The following ME2 variants were observed in gnomAD, a reference collection of about 807,000 sequenced individuals.
The protein encoded by ME2 is malic enzyme 2, also known as NAD-dependent malic enzyme, mitochondrial.
In ME2, 60 loss-of-function variants were observed where a neutral mutation model predicts 73.7. That is an observed-to-expected ratio of 0.81 (90% CI 0.66 to 1.01). The LOEUF is 1.01. ME2 is among the 50% of genes least tolerant of loss of function. The pLI, the probability that ME2 is intolerant of heterozygous loss-of-function variation, is 0.00. For missense variants in ME2, 594 were observed against 705.5 expected (o/e 0.84, Z 1.79); for synonymous variants, 199 against 236.9 (o/e 0.84, Z 1.47).
intron 13 of ME2, 189 bp from the exon 14 acceptor site, chr18:50,939,381 T>G (rs1917891883): frequency 4.1e-6 from 2 of 488,900 alleles, no homozygotes; most frequent in Non-Finnish European, 7.3e-6. Flanking sequence ...CTGAAATTAC[T>G]TAGCGAATAA....
intron 15 of ME2, chr18:50,945,408 C>T (rs1654168732): frequency 6.6e-6 from 1 of 152,204 alleles, no homozygotes; most frequent in South Asian, 2.1e-4. Context: ...GTGTGAGCCA[C>T]CACGCCCAGC....
chr18:50,942,497 AT>A (rs1212972573), intron 15 of ME2, among the ~76,000 whole-genome samples: 2 of 152,112 alleles, frequency 1.3e-5, no homozygotes, highest in Admixed American at 1.3e-4. Context: ...TTTGTATGAA[AT>A]TGTTGCATTT....
intron 10 of ME2, 87 bp downstream of exon 10, chr18:50,921,274 C>T (rs758645274): frequency 1.6e-6 from 1 of 639,256 alleles, no homozygotes; most frequent in Non-Finnish European, 2.5e-6. Flanking sequence ...AATCTTGTTT[C>T]TCATTGGAGT....
chr18:50,928,569 A>C (rs1164763834), intron 12 of ME2, among the ~76,000 whole-genome samples: 1 of 152,144 alleles, frequency 6.6e-6, no homozygotes, highest in South Asian at 2.1e-4. Flanking sequence ...AGTGATGGAT[A>C]GTGTAGAAAA....
Position 50,920,757 on chromosome 18 carries a change from A to T in ME2, c.941A>T (p.Glu314Val), listed in dbSNP as rs1917407167. ...EHKILFLGAG[E>V]AALGIANLIV... ...AAAATCTTATTCCTTGGAGCAGGAG[A>T]GGTAAGTTTTGAAGGCTTTTTGAAA... Residue 314 changes from glutamate (E) to valine (V), a missense_variant and splice_region_variant, in exon 9 of 16, where the codon GAG becomes GTG. Glu to Val is a moderately radical substitution (Grantham distance 121). Coordinates refer to ENST00000321341, the MANE Select transcript of ME2 (RefSeq NM_002396.5). 2.5e-6 allele frequency: 4 copies of T among 1,600,470 alleles called. No homozygotes were observed. The highest frequency in any genetic ancestry group is 3.4e-6 in the Non-Finnish European group (4 of 1,176,448).
At chr18:50,934,105 G>A (rs1179715278) in intron 13 of ME2, 5 of 152,054 alleles carry the variant, frequency 3.3e-5, no homozygotes, top group Admixed American at 3.3e-4. Context: ...TTAATTCTAT[G>A]TCTTTACTAT....
At chr18:50,927,870 A>G (rs1281994003) in intron 12 of ME2, among the ~76,000 whole-genome samples, 1 of 128,770 alleles carries the variant, frequency 7.8e-6, no homozygotes, top group African/African-American at 3.0e-5. Context: ...GCTGGAGTGT[A>G]GTGGCACAGT....
intron 12 of ME2, among the ~76,000 whole-genome samples, chr18:50,927,433 G>T (rs1917578514): frequency 6.6e-6 from 1 of 151,982 alleles, no homozygotes; most frequent in African/African-American, 2.4e-5. Flanking sequence ...GGGCACGGTG[G>T]CTCACGCCTG....
intron 1 of ME2, among the ~76,000 whole-genome samples, chr18:50,881,600 C>T (rs1916326677): frequency 6.6e-6 from 1 of 152,082 alleles, no homozygotes; most frequent in African/African-American, 2.4e-5. Context: ...TTTGATGTTG[C>T]CTGTATTTGT....
At chr18:50,909,050 C>G (rs1192542998) in intron 3 of ME2, among the ~76,000 whole-genome samples, 1 of 151,298 alleles carries the variant, frequency 6.6e-6, no homozygotes, top group Admixed American at 6.6e-5. Context: ...GCCTCCCGGG[C>G]TCAAGCAGTT....
At chr18:50,939,922 T>G (rs969266418) in intron 14 of ME2, 13 of 424,430 alleles carry the variant, frequency 3.1e-5, no homozygotes, top group African/African-American at 2.6e-4. Context: ...TCCTTGCATG[T>G]TTTTAATGGA....
At chr18:50,881,451 C>T (rs1916323042) in intron 1 of ME2, among the ~76,000 whole-genome samples, 1 of 152,062 alleles carries the variant, frequency 6.6e-6, no homozygotes, top group Non-Finnish European at 1.5e-5. Context: ...AAAAAGATAA[C>T]TTTTATTAGA....
intron 13 of ME2, among the ~76,000 whole-genome samples, chr18:50,937,143 T>G (rs1917836997): frequency 6.6e-6 from 1 of 151,296 alleles, no homozygotes; most frequent in Non-Finnish European, 1.5e-5. Context: ...GTTTGGGGGC[T>G]AAATCTGCCC....
intron 15 of ME2, among the ~76,000 whole-genome samples, chr18:50,943,064 T>C (rs945968936): frequency 6.6e-6 from 1 of 152,106 alleles, no homozygotes; most frequent in Non-Finnish European, 1.5e-5. Flanking sequence ...CCCGAGTAGC[T>C]AGAGGCACAT....
chr18:50,942,553 T>C (rs1917989102), intron 15 of ME2: 1 of 217,244 alleles, frequency 4.6e-6, no homozygotes, highest in Non-Finnish European at 8.9e-6. Flanking sequence ...TATTCTCCAA[T>C]CACTATCTCT....
intron 15 of ME2, among the ~76,000 whole-genome samples, chr18:50,942,385 T>C (rs1024361450): frequency 6.6e-6 from 1 of 152,184 alleles, no homozygotes; most frequent in African/African-American, 2.4e-5. Flanking sequence ...ACTTTATCTT[T>C]CCCATCATTA....
At chr18:50,939,385 C>G in intron 13 of ME2, 185 bp from the exon 14 acceptor site, 1 of 484,514 alleles carries the variant, frequency 2.1e-6, no homozygotes, top group Admixed American at 3.7e-5. Context: ...AATTACTTAG[C>G]GAATAAGAAT....
chr18:50,885,001 C>T (rs1409578322), intron 1 of ME2, among the ~76,000 whole-genome samples: 1 of 152,136 alleles, frequency 6.6e-6, no homozygotes, highest in African/African-American at 2.4e-5. Flanking sequence ...ATTGCAGGCG[C>T]CGGTCACCAC....
In ME2 at chr18:50,918,986, T is replaced by C. The variant is rs570575123; in HGVS notation, c.734+773T>C. 7.9e-5 allele frequency among the ~76,000 whole-genome samples: 12 copies of C among 152,366 alleles called. No individual in the cohort carries two copies. The South Asian group carries it at 2.3e-3, about 29-fold the overall frequency. On this transcript the variant is annotated intron_variant, in intron 7 of 15. Coordinates refer to ENST00000321341, the MANE Select transcript of ME2 (RefSeq NM_002396.5). ...TCTTCTGTATTCCCAGCTTCTATTA[T>C]TGGCAGTAACATTCATCCTGTTGCC...
Sources: allele counts gnomAD v4.1 joint callset (sites outside exome capture counted in the v4.1 genomes callset), GRCh38; gene constraint gnomAD v4.1.1; transcripts MANE v1.5; gene names NCBI Gene and HGNC (gene_info 2026-07-23, HGNC 2026-07-21).